LIG3: variants seen among roughly 807,000 people sequenced by gnomAD.
LIG3 encodes ligase II, DNA, ATP-dependent.
A neutral mutation model predicts 110.9 loss-of-function variants in LIG3; 58 were observed. The ratio of observed to expected loss-of-function variants is 0.52; its 90% CI spans 0.42 to 0.65. LIG3 has a LOEUF of 0.65. LIG3 is among the 30% of genes least tolerant of loss of function. LIG3 has a pLI of 0.00. For synonymous variants in LIG3, 422 were observed against 472.8 expected (o/e 0.89, Z 1.39); for missense variants, 1,094 against 1,273.8 (o/e 0.86, Z 2.15).
chr17:34,999,949 T>A, intron 16 of LIG3, 93 bp downstream of exon 16: 1 of 1,006,046 alleles, frequency 9.9e-7, no homozygotes, highest in African/African-American at 1.6e-5. Flanking sequence ...TCGCTGAAAG[T>A]CCACCCAGGG....
intron 14 of LIG3, chr17:34,999,054 A>G (rs2090811744): frequency 3.8e-6 from 2 of 519,742 alleles, no homozygotes; most frequent in Non-Finnish European, 6.8e-6. Context: ...AATACTTTTA[A>G]GCAATCTATC....
At chr17:34,986,798 C>G (rs2090660854) in intron 3 of LIG3, among the ~76,000 whole-genome samples, 1 of 151,988 alleles carries the variant, frequency 6.6e-6, no homozygotes. Context: ...AAATTGTTTC[C>G]CTGAATATGC....
In LIG3 at chr17:34,991,032, A is replaced by G. The variant is rs1597794472; in HGVS notation, c.959A>G (p.Asn320Ser). The G allele has an allele frequency of 6.2e-7, 1 of 1,614,182 alleles. No homozygotes were observed. Among genetic ancestry groups the G allele is most frequent in the Non-Finnish European group, 8.5e-7 (1 of 1,180,018 alleles). ...LLPGVIKTVY[N>S]LNDKQIVKLF... The stretch of plus-strand genomic sequence containing the variant: ...CCAGGAGTCATTAAGACTGTTTACA[A>G]CTTGAACGATAAGCAGATTGTGAAG... The change falls in exon 5 of 20, where the codon AAC becomes AGC. Residue 320 changes from asparagine to serine, a missense_variant. Asn to Ser is a conservative substitution (Grantham distance 46, BLOSUM62 1). Transcript: ENST00000378526.
chr17:34,996,202 G>T lies in LIG3; in HGVS notation c.1743+7G>T. 6.2e-7 allele frequency: 1 copy of T among 1,613,716 alleles called. No individual in the cohort carries two copies. The stretch of plus-strand genomic sequence containing the variant: ...GACTCTGGGAGTACACAAGGTACTA[G>T]CTCAGGGCCATATGTGCAAGAATGA... On this transcript the variant is annotated splice_region_variant and intron_variant, in intron 10 of 19. Coordinates refer to ENST00000378526, the MANE Select transcript of LIG3 (RefSeq NM_013975.4).
chr17:34,999,462 C>A lies in LIG3; in HGVS notation c.2256+13C>A. The stretch of plus-strand genomic sequence containing the variant: ...GAAGATCAGCAAGGTGAGGAAGGGA[C>A]CTGGTTGGCCATGGCCTCTGGACTG... On this transcript the variant is annotated intron_variant, in intron 15 of 19. Coordinates refer to ENST00000378526, the MANE Select transcript of LIG3 (RefSeq NM_013975.4). 6.2e-7 allele frequency: 1 copy of A among 1,612,396 alleles called. No individual in the cohort carries two copies. The highest frequency in any genetic ancestry group is 8.5e-7 in the Non-Finnish European group (1 of 1,179,036).
intron 18 of LIG3, among the ~76,000 whole-genome samples, 160 bp from the exon 19 acceptor site, chr17:35,002,508 T>C (rs1317121431): frequency 5.3e-5 from 8 of 152,230 alleles, no homozygotes; most frequent in Admixed American, 1.3e-4. Context: ...TTGTATCATA[T>C]GTTTTTTAGA....
At position 34,992,609 on chromosome 17, in the gene LIG3, G is replaced by A. The variant is rs547119482; in HGVS notation, c.1372G>A (p.Ala458Thr). The change falls in exon 8 of 20, where the codon GCG (alanine) becomes ACG (threonine). Residue 458 changes from alanine to threonine, a missense_variant. Coordinates refer to ENST00000378526, the MANE Select transcript of LIG3 (RefSeq NM_013975.4). Reference protein sequence around the residue: ...QDVVERVLHNAQEVEKEPGQR... With the variant: ...QDVVERVLHNTQEVEKEPGQR... ...TGTGGTGGAGCGGGTCCTTCACAACGCGCAGGAGGTGGAGAAGGAGCCGGG... is the reference window on the plus strand; with the variant it reads ...TGTGGTGGAGCGGGTCCTTCACAACACGCAGGAGGTGGAGAAGGAGCCGGG... 21 of 1,613,782 alleles carry A rather than the reference G, an allele frequency of 1.3e-5. No individual in the cohort carries two copies. The highest frequency in any genetic ancestry group is 1.7e-5 in the Admixed American group (1 of 59,936).
rs1597808581 is a variant in LIG3 at position 35,009,742 on chromosome 17, T to A, written c.*5236T>A. 1 of 152,406 alleles carries A rather than the reference T, an allele frequency of 6.6e-6. No homozygotes were observed. The highest frequency in any genetic ancestry group is 2.1e-4 in the South Asian group (1 of 4,832). The allele number at this position is 152,406 out of a possible 1,614,324, so 9.4% of individuals were successfully genotyped here. A position where few individuals can be genotyped will look rare whatever the true frequency, so the allele number is the denominator to read the frequency against. On this transcript the variant is annotated 3_prime_UTR_variant, in exon 20 of 20. Coordinates refer to ENST00000378526, the MANE Select transcript of LIG3 (RefSeq NM_013975.4). ...CAGCTATCAGTATATTATTTTCGAT[T>A]TGTGTCTAGGAGGGAAACTGAAGAG...
In LIG3 at chr17:35,001,423, A is replaced by G; in HGVS notation, c.2478+20A>G. ...CTCAAGGTAGCAGCTCTTAGGCTGT[A>G]TATGTATTCTCCACCCCACTGTCCA... On this transcript the variant is annotated intron_variant, in intron 17 of 19. Coordinates refer to ENST00000378526, the MANE Select transcript of LIG3 (RefSeq NM_013975.4). 1.9e-6 allele frequency: 3 copies of G among 1,611,276 alleles called. No individual in the cohort carries two copies. Among genetic ancestry groups the G allele is most frequent in the Non-Finnish European group, 2.5e-6 (3 of 1,177,594 alleles).
chr17:35,003,346 T>G, intron 19 of LIG3: 1 of 386,360 alleles, frequency 2.6e-6, no homozygotes, highest in South Asian at 3.2e-5. Context: ...TTGCCTAGGC[T>G]GGAGTGAAGT....
chr17:34,989,534 T>C lies in LIG3; in HGVS notation c.760T>C (p.Cys254Arg), dbSNP rs753805478. The C allele has an allele frequency of 1.2e-6, 2 of 1,613,938 alleles. No homozygotes were observed. Among genetic ancestry groups the C allele is most frequent in the Non-Finnish European group, 1.7e-6 (2 of 1,179,998 alleles). The stretch of plus-strand genomic sequence containing the variant: ...TAAGAGAAGTCTGTCTTCAAGCAAA[T>C]GTGACCCCAGGCATAAGGACTGTCT... ...TPKRSLSSSK[C>R]DPRHKDCLLR... The change falls in exon 4 of 20, where the codon TGT becomes CGT. Residue 254 changes from cysteine to arginine, a missense_variant. Cys to Arg is a radical substitution (Grantham distance 180). Coordinates refer to ENST00000378526, the MANE Select transcript of LIG3 (RefSeq NM_013975.4).
chr17:34,982,921 G>T (rs781178883), intron 1 of LIG3, 81 bp from the exon 2 acceptor site: 2 of 1,113,856 alleles, frequency 1.8e-6, no homozygotes, highest in Non-Finnish European at 2.5e-6. Context: ...TATATAAGAC[G>T]CTGGCCTTTG....
At position 35,001,375 on chromosome 17, in the gene LIG3, A is replaced by T; in HGVS notation, c.2450A>T (p.Lys817Ile). 6.2e-7 allele frequency: 1 copy of T among 1,614,194 alleles called. No homozygotes were observed. The highest frequency in any genetic ancestry group is 8.5e-7 in the Non-Finnish European group (1 of 1,180,018). Residue 817 changes from lysine (K) to isoleucine (I), a missense_variant, in exon 17 of 20, where the codon AAA becomes ATA. Lys to Ile is a moderately radical substitution (Grantham distance 102). Coordinates refer to ENST00000378526, the MANE Select transcript of LIG3 (RefSeq NM_013975.4). ...CTRIRDDKDW[K>I]SATNLPQLKE... ...CGAATCCGAGATGATAAGGACTGGA[A>T]ATCTGCCACTAACCTTCCCCAACTC...
At position 34,999,338 on chromosome 17, in the gene LIG3, C is replaced by T; in HGVS notation, c.2145C>T (p.Cys715=). Residue 715 remains cysteine, a synonymous_variant, in exon 15 of 20, where the codon TGC becomes TGT. Coordinates refer to ENST00000378526, the MANE Select transcript of LIG3 (RefSeq NM_013975.4). The stretch of plus-strand genomic sequence containing the variant: ...TGATGTCAATCTTCCTCATGGGCTG[C>T]TACGACCCTGGCAGCCAGAAGTGGT... ...GGMMSIFLMG[C]YDPGSQKWCT... 6 of 1,613,956 alleles carry T rather than the reference C, an allele frequency of 3.7e-6. No homozygotes were observed. Among genetic ancestry groups the T allele is most frequent in the Non-Finnish European group, 5.1e-6 (6 of 1,179,904 alleles).
In LIG3 at chr17:34,983,010, C is replaced by A; in HGVS notation, c.5C>A (p.Ser2Tyr). The change falls in exon 2 of 20, where the codon TCT becomes TAT. Residue 2 changes from serine (S) to tyrosine (Y), a missense_variant. Ser to Tyr is a moderately radical substitution (Grantham distance 144, BLOSUM62 -2). Coordinates refer to ENST00000378526, the MANE Select transcript of LIG3 (RefSeq NM_013975.4). M[S>Y]LAFKIFFPQT... ...CCTACTCTTTCGTACAGCTATATGTCTTTGGCTTTCAAGATCTTCTTTCCA... is the reference window on the plus strand; with the variant it reads ...CCTACTCTTTCGTACAGCTATATGTATTTGGCTTTCAAGATCTTCTTTCCA... 1 of 1,515,420 alleles carries A rather than the reference C, an allele frequency of 6.6e-7. No individual in the cohort carries two copies. Among genetic ancestry groups the A allele is most frequent in the Non-Finnish European group, 8.9e-7 (1 of 1,128,674 alleles). 93.9% of individuals were successfully genotyped at this position (1,515,420 alleles called of 1,614,324 possible). A position where few individuals can be genotyped will look rare whatever the true frequency, so the allele number is the denominator to read the frequency against.
chr17:34,999,155 G>C, intron 14 of LIG3, 152 bp from the exon 15 acceptor site: 2 of 850,058 alleles, frequency 2.4e-6, no homozygotes, highest in Non-Finnish European at 3.5e-6. Flanking sequence ...GCTTATAAAG[G>C]TTAAAATTAC....
intron 5 of LIG3, 58 bp from the exon 6 acceptor site, chr17:34,991,613 G>A: frequency 1.3e-6 from 2 of 1,564,642 alleles, no homozygotes; most frequent in South Asian, 2.2e-5. Flanking sequence ...CTGGGTCTTG[G>A]GGGATACACT....
chr17:34,996,358 C>T, intron 10 of LIG3, 163 bp downstream of exon 10: 1 of 938,824 alleles, frequency 1.1e-6, no homozygotes, highest in Non-Finnish European at 1.6e-6. Context: ...TTGTTTTTCT[C>T]CTAAAAAGGG....
chr17:34,991,599 A>G, intron 5 of LIG3, 72 bp from the exon 6 acceptor site: 1 of 1,461,116 alleles, frequency 6.8e-7, no homozygotes, highest in Non-Finnish European at 9.4e-7. Context: ...ATTCATCTTC[A>G]GTCCTGGGTC....
Sources: allele counts gnomAD v4.1 joint callset (sites outside exome capture counted in the v4.1 genomes callset), GRCh38; gene constraint gnomAD v4.1.1; transcripts MANE v1.5; gene names NCBI Gene and HGNC (gene_info 2026-07-23, HGNC 2026-07-21).